CTIF: variants seen among roughly 807,000 people sequenced by gnomAD.
CTIF encodes the protein CBP80/20-dependent translation initiation factor.
In CTIF, 21 loss-of-function variants were observed where a neutral mutation model predicts 66.0. The ratio of observed to expected loss-of-function variants is 0.32; its 90% CI spans 0.23 to 0.46. The LOEUF (loss-of-function observed/expected upper bound fraction) is 0.46. CTIF is among the 20% of genes least tolerant of loss of function. The pLI is 1.00. For synonymous variants in CTIF, 345 were observed against 326.4 expected, an observed-to-expected ratio of 1.06 and a Z score of -0.62; for missense variants, 739 against 812.7, an observed-to-expected ratio of 0.91 and a Z score of 1.10.
At position 48,859,508 on chromosome 18, in the gene CTIF, G is replaced by T. The variant is rs547246736; in HGVS notation, c.1746G>T (p.Thr582=). The part of the protein sequence containing the change: ...ELHANSWNPL[T]PPITQYYNRT... ...ACGCTAACAGCTGGAACCCTCTGAC[G>T]CCCCCCATCACGCAGTACTACAACA... The change falls in exon 12 of 12, where the codon ACG becomes ACT. Residue 582 remains threonine, a synonymous_variant. Transcript: ENST00000256413. The T allele has an allele frequency of 1.9e-6, 3 of 1,614,002 alleles. No individual in the cohort carries two copies. Among genetic ancestry groups the T allele is most frequent in the Non-Finnish European group, 2.5e-6 (3 of 1,180,050 alleles).
chr18:48,636,636 C>A lies in CTIF; in HGVS notation c.203C>A (p.Pro68Gln), dbSNP rs200501668. The A allele has an allele frequency of 6.3e-7, 1 of 1,594,520 alleles. No homozygotes were observed. The highest frequency in any genetic ancestry group is 8.5e-7 in the Non-Finnish European group (1 of 1,172,410). Residue 68 changes from proline to glutamine, a missense_variant, in exon 3 of 12, where the codon CCG (proline) becomes CAG (glutamine). By Grantham distance (76) the Pro-to-Gln change is moderately conservative. Coordinates refer to ENST00000256413, the MANE Select transcript of CTIF (RefSeq NM_014772.3). ...CAGTGGACAGCGGACTGCAGCGAAC[C>A]GCTGGACAGCAGCTGTTCCTTCTCC... ...ISQWTADCSEPLDSSCSFSRG... is the reference protein window; with the variant it reads ...ISQWTADCSEQLDSSCSFSRG...
intron 8 of CTIF, among the ~76,000 whole-genome samples, chr18:48,758,773 C>T (rs1395581022): frequency 6.6e-6 from 1 of 152,134 alleles, no homozygotes; most frequent in Non-Finnish European, 1.5e-5. Context: ...TGCTGAAGAG[C>T]ACTTGGGGAA....
intron 7 of CTIF, among the ~76,000 whole-genome samples, chr18:48,741,284 CCCCT>C (rs201001170): frequency 0.013 from 1,969 of 149,020 alleles, 68 homozygotes; most frequent in African/African-American, 0.038. Flanking sequence ...GCCCCCGCCC[CCCCT>C]CCTTGGTACA....
chr18:48,828,849 G>A (rs2068634824), intron 10 of CTIF, among the ~76,000 whole-genome samples: 1 of 152,206 alleles, frequency 6.6e-6, no homozygotes, highest in Non-Finnish European at 1.5e-5. Flanking sequence ...CCAGGGGAGG[G>A]GCACCTTCCC....
At chr18:48,680,697 A>T (rs998555942) in intron 6 of CTIF, among the ~76,000 whole-genome samples, 1 of 152,162 alleles carries the variant, frequency 6.6e-6, no homozygotes, top group East Asian at 1.9e-4. Flanking sequence ...GATGCCCTTG[A>T]TGACTTGGGC....
chr18:48,619,116 C>G (rs886187174), intron 1 of CTIF, among the ~76,000 whole-genome samples: 2 of 152,208 alleles, frequency 1.3e-5, no homozygotes, highest in Admixed American at 6.5e-5. Context: ...GTCTCGGGCC[C>G]CATTGTGCAC....
chr18:48,622,261 G>A lies in CTIF; in HGVS notation c.180+2516G>A, dbSNP rs533223707. 9.9e-5 allele frequency among the ~76,000 whole-genome samples: 15 copies of A among 152,278 alleles called. No individual in the cohort carries two copies. In the South Asian group the frequency reaches 2.3e-3, roughly 23 times the overall value. ...AGAATTGTAATCCTGGTAGCAAAGA[G>A]ACTGAGCTAGAAAGATGGTGGGGGT... On this transcript the variant is annotated intron_variant, in intron 2 of 11. Transcript: ENST00000256413.
chr18:48,666,693 A>G (rs749256507), intron 5 of CTIF, among the ~76,000 whole-genome samples: 3 of 152,062 alleles, frequency 2.0e-5, no homozygotes, highest in African/African-American at 4.8e-5. Context: ...TTGCGCATGG[A>G]GGCACTGGTT....
chr18:48,592,963 A>G (rs951663196), intron 1 of CTIF, among the ~76,000 whole-genome samples: 3 of 152,236 alleles, frequency 2.0e-5, no homozygotes, highest in African/African-American at 7.2e-5. Flanking sequence ...TGGGAGGCCC[A>G]GAAGCAGTGG....
chr18:48,611,916 T>G (rs1253767974), intron 1 of CTIF, among the ~76,000 whole-genome samples: 1 of 152,156 alleles, frequency 6.6e-6, no homozygotes, highest in Admixed American at 6.5e-5. Flanking sequence ...AACACCCTGT[T>G]GGATGTTTGA....
At chr18:48,788,932 C>A (rs1418275793) in intron 9 of CTIF, among the ~76,000 whole-genome samples, 1 of 152,174 alleles carries the variant, frequency 6.6e-6, no homozygotes, top group Non-Finnish European at 1.5e-5. Flanking sequence ...ATGGCCAAAA[C>A]TGTCCCATTC....
intron 1 of CTIF, among the ~76,000 whole-genome samples, chr18:48,551,257 C>A (rs1172242723): frequency 6.6e-6 from 1 of 151,748 alleles, no homozygotes. Context: ...GCCAGCCCTG[C>A]CAACACCTTG....
chr18:48,703,808 G>C (rs1009140572), intron 6 of CTIF, among the ~76,000 whole-genome samples: 3 of 152,208 alleles, frequency 2.0e-5, no homozygotes, highest in Non-Finnish European at 4.4e-5. Flanking sequence ...GAAGGGCAGG[G>C]TGGGCTTGGT....
At chr18:48,557,877 C>A (rs192699165) in intron 1 of CTIF, among the ~76,000 whole-genome samples, 1 of 152,348 alleles carries the variant, frequency 6.6e-6, no homozygotes, top group Admixed American at 6.5e-5. Flanking sequence ...TATAAGGACA[C>A]CGCTTCTATC....
At chr18:48,745,727 C>A (rs1196110198) in intron 7 of CTIF, among the ~76,000 whole-genome samples, 1 of 152,204 alleles carries the variant, frequency 6.6e-6, no homozygotes, top group African/African-American at 2.4e-5. Flanking sequence ...AGGTTATCAG[C>A]GTCCTGCTAC....
At chr18:48,705,704 C>A (rs958029766) in intron 6 of CTIF, among the ~76,000 whole-genome samples, 1 of 152,240 alleles carries the variant, frequency 6.6e-6, no homozygotes, top group Non-Finnish European at 1.5e-5. Context: ...AGCCCAACTC[C>A]CGGCACTCAG....
At chr18:48,575,842 C>G (rs149056286) in intron 1 of CTIF, among the ~76,000 whole-genome samples, 2 of 152,404 alleles carry the variant, frequency 1.3e-5, no homozygotes, top group East Asian at 3.9e-4. Context: ...GTGCAGCCTT[C>G]TCTCTCCAAG....
chr18:48,832,889 C>CT (rs1416747933), intron 10 of CTIF, among the ~76,000 whole-genome samples: 1 of 152,200 alleles, frequency 6.6e-6, no homozygotes, highest in African/African-American at 2.4e-5. Context: ...TACAGCTCCA[C>CT]TTTTTGCTGA....
intron 2 of CTIF, chr18:48,625,115 C>T (rs1186828636): frequency 1.9e-6 from 1 of 533,752 alleles, no homozygotes; most frequent in Non-Finnish European, 2.4e-6. Flanking sequence ...TGTTCCCTCG[C>T]CCTTTTTCTA....
Sources: gnomAD v4.1 joint callset for allele counts (sites outside exome capture counted in the v4.1 genomes callset) on GRCh38, gnomAD v4.1.1 for gene constraint, MANE v1.5 for transcripts, NCBI Gene and HGNC (gene_info 2026-07-23, HGNC 2026-07-21) for gene names.